Variants in SLC14A2 observed in about 807,000 individuals in gnomAD.
The protein encoded by SLC14A2 is solute carrier family 14 member 2, also known as urea transporter 2.
In SLC14A2, 91 loss-of-function variants were observed where a neutral mutation model predicts 104.6. That is an observed-to-expected ratio of 0.87 (90% confidence interval 0.73 to 1.04). The LOEUF (loss-of-function observed/expected upper bound fraction) is 1.04, where lower values mean the gene tolerates loss of function less well. Ranked by LOEUF, SLC14A2 falls within the 50% of genes least tolerant of loss-of-function variation. SLC14A2 has a pLI of 0.00. For missense variants in SLC14A2, 1,189 were observed against 1,156.0 expected, an observed-to-expected ratio of 1.03 and a Z score of -0.41; for synonymous variants, 476 against 466.4, an observed-to-expected ratio of 1.02 and a Z score of -0.27.
At position 45,469,558 on chromosome 18, in the gene SLC14A2, A is replaced by G. The variant is rs188665729; in HGVS notation, c.-124-13675A>G. ...GGGAATGAAGGATGAGGTGGAGCAA[A>G]GGTATCTCTCTTGTCTTGATCCCAA... On this transcript the variant is annotated intron_variant, in intron 1 of 20. Transcript: ENST00000586448. Among the ~76,000 whole-genome samples the G allele has an allele frequency of 1.1e-3, 160 of 152,306 alleles. 4 individuals carry two copies. The East Asian group carries it at 0.016, about 16-fold the overall frequency.
chr18:45,495,721 G>A (rs760201194), intron 2 of SLC14A2, among the ~76,000 whole-genome samples: 3 of 152,178 alleles, frequency 2.0e-5, no homozygotes, highest in Non-Finnish European at 4.4e-5. Context: ...TCCATTTCTC[G>A]AGGGATTTAG....
chr18:45,445,121 T>C (rs1203089014), intron 1 of SLC14A2, among the ~76,000 whole-genome samples: 1 of 148,946 alleles, frequency 6.7e-6, no homozygotes, highest in Non-Finnish European at 1.5e-5. Flanking sequence ...TTTTTTTTTT[T>C]TTTTTTTTAA....
At chr18:45,655,324 C>T (rs554723617) in intron 10 of SLC14A2, among the ~76,000 whole-genome samples, 6 of 152,312 alleles carry the variant, frequency 3.9e-5, no homozygotes, top group South Asian at 4.1e-4. Context: ...CAGCACCAAA[C>T]GATATAAGCC....
chr18:45,504,936 A>G (rs1158898881), intron 2 of SLC14A2, among the ~76,000 whole-genome samples: 1 of 152,228 alleles, frequency 6.6e-6, no homozygotes, highest in Non-Finnish European at 1.5e-5. Context: ...CACCCTTTCA[A>G]ATACACACTC....
intron 1 of SLC14A2, among the ~76,000 whole-genome samples, chr18:45,294,176 A>C (rs2084898365): frequency 6.6e-6 from 1 of 152,176 alleles, no homozygotes; most frequent in Non-Finnish European, 1.5e-5. Flanking sequence ...TTAAAATATC[A>C]AATAGGCAGA....
the SLC14A2 span, among the ~76,000 whole-genome samples, chr18:45,205,088 C>T: frequency 6.6e-6 from 1 of 152,210 alleles, no homozygotes; most frequent in Non-Finnish European, 1.5e-5. Context: ...GGAGCTTCCA[C>T]TTGGTGCTGG....
rs10647065 is a variant in SLC14A2, at chr18:45,295,302, A to ATT, written c.-125+82122_-125+82123dup. ...TGTAATTAATATACATTTTTAAAGCATTTTTTTTTTTTAGGAATAGGGGAA... is the reference window on the plus strand; with the variant it reads ...TGTAATTAATATACATTTTTAAAGCATTTTTTTTTTTTTTAGGAATAGGGGAA... On this transcript the variant is annotated intron_variant, in intron 1 of 20. Transcript: ENST00000586448. Among the ~76,000 whole-genome samples the ATT allele has an allele frequency of 2.0e-3, 301 of 146,968 alleles. 1 individual carries two copies. Among genetic ancestry groups the ATT allele is most frequent in the African/African-American group, 6.4e-3 (260 of 40,374 alleles).
chr18:45,297,253 A>C (rs1456981667), intron 1 of SLC14A2, among the ~76,000 whole-genome samples: 1 of 152,206 alleles, frequency 6.6e-6, no homozygotes, highest in African/African-American at 2.4e-5. Context: ...AGACAGTTTA[A>C]AACTGTGGTT....
chr18:45,391,493 A>G (rs2085964087), intron 1 of SLC14A2, among the ~76,000 whole-genome samples: 1 of 152,220 alleles, frequency 6.6e-6, no homozygotes, highest in African/African-American at 2.4e-5. Context: ...TCCCTGAGGA[A>G]TCGCCCCACT....
chr18:45,604,128 C>T (rs751876880), intron 2 of SLC14A2, among the ~76,000 whole-genome samples: 17 of 152,160 alleles, frequency 1.1e-4, no homozygotes, highest in Non-Finnish European at 2.1e-4. Context: ...TTCTCTGTTG[C>T]CTATGTAGTG....
chr18:45,329,795 A>G (rs571087809), intron 1 of SLC14A2, among the ~76,000 whole-genome samples: 6 of 152,346 alleles, frequency 3.9e-5, no homozygotes, highest in African/African-American at 1.2e-4. Flanking sequence ...AGGAGATACT[A>G]TACATGCATG....
chr18:45,673,859 C>T (rs768617126), intron 18 of SLC14A2, 42 bp downstream of exon 18: 3 of 1,590,698 alleles, frequency 1.9e-6, no homozygotes, highest in South Asian at 2.2e-5. Flanking sequence ...TTATAAAAGG[C>T]TTTTTACATA....
rs73425918 is a variant in SLC14A2 at position 45,238,460 on chromosome 18, C to T, written c.-125+25269C>T. 3.8e-3 allele frequency among the ~76,000 whole-genome samples: 574 copies of T among 152,294 alleles called. 7 individuals are homozygous for T. The highest frequency in any genetic ancestry group is 0.013 in the African/African-American group (543 of 41,554). The stretch of plus-strand genomic sequence containing the variant: ...TTTGAGGGATTGCTACTCCCACATG[C>T]TCATGCTCCTTGGCCCAAAAACTCT... On this transcript the variant is annotated intron_variant, in intron 1 of 20. Transcript: ENST00000586448.
intron 2 of SLC14A2, among the ~76,000 whole-genome samples, chr18:45,585,565 A>G (rs1207966176): frequency 6.6e-6 from 1 of 152,200 alleles, no homozygotes; most frequent in African/African-American, 2.4e-5. Flanking sequence ...GACAGCCAAA[A>G]TTCTAGAAAT....
intron 1 of SLC14A2, among the ~76,000 whole-genome samples, chr18:45,457,733 C>A (rs1427051274): frequency 6.6e-6 from 1 of 151,508 alleles, no homozygotes; most frequent in African/African-American, 2.4e-5. Flanking sequence ...AACACAGGCT[C>A]AGGAGCTGGA....
intron 2 of SLC14A2, among the ~76,000 whole-genome samples, chr18:45,532,559 C>T (rs1173650264): frequency 6.7e-6 from 1 of 149,814 alleles, no homozygotes; most frequent in East Asian, 1.9e-4. Context: ...TATCCTGAGA[C>T]TTTGCTGAAG....
the SLC14A2 span, among the ~76,000 whole-genome samples, chr18:45,207,605 G>A: frequency 6.6e-6 from 1 of 152,144 alleles, no homozygotes; most frequent in Non-Finnish European, 1.5e-5. Context: ...TAACTGGGTT[G>A]CTAACAACAG....
chr18:45,382,972 G>A (rs2085854823), intron 1 of SLC14A2, among the ~76,000 whole-genome samples: 1 of 152,204 alleles, frequency 6.6e-6, no homozygotes, highest in South Asian at 2.1e-4. Flanking sequence ...CCAATGCAGT[G>A]TTGAGAAGGA....
the SLC14A2 span, among the ~76,000 whole-genome samples, chr18:45,184,015 A>G: frequency 7.0e-6 from 1 of 143,534 alleles, no homozygotes; most frequent in Admixed American, 7.6e-5. Context: ...CGGGCTCCCA[A>G]AGTGCTGAGA....
Sources: gnomAD v4.1 joint callset for allele counts (sites outside exome capture counted in the v4.1 genomes callset) on GRCh38, gnomAD v4.1.1 for gene constraint, MANE v1.5 for transcripts, NCBI Gene and HGNC (gene_info 2026-07-23, HGNC 2026-07-21) for gene names.